MYOM2: variants seen among roughly 807,000 people sequenced by gnomAD.
MYOM2 encodes myomesin-2.
Under a neutral mutation model 187.6 loss-of-function variants are expected in MYOM2, and 254 were observed. The observed-to-expected ratio is 1.35, with a 90% confidence interval of 1.22 to 1.50. The LOEUF is 1.50. Ranked by LOEUF, MYOM2 falls within the 40% of genes most tolerant of loss-of-function variation. The pLI is 0.00. For synonymous variants in MYOM2, 981 were observed against 753.8 expected, an observed-to-expected ratio of 1.30 and a Z score of -4.94; for missense variants, 2,796 against 1,924.0, an observed-to-expected ratio of 1.45 and a Z score of -8.48.
chr8:2,059,126 A>C (rs771857861), intron 5 of MYOM2, 27 bp from the exon 6 acceptor site: 3 of 1,604,926 alleles, frequency 1.9e-6, no homozygotes, highest in Admixed American at 3.3e-5. Context: ...TCTGCCTTTA[A>C]ACTAAAAACA....
chr8:2,133,466 C>A (rs544344383), intron 32 of MYOM2, among the ~76,000 whole-genome samples: 1 of 152,264 alleles, frequency 6.6e-6, no homozygotes, highest in South Asian at 2.1e-4. Context: ...CTTCCATCTA[C>A]CTGCCTCCGA....
intron 14 of MYOM2, among the ~76,000 whole-genome samples, 155 bp downstream of exon 14, chr8:2,085,545 C>T (rs760024680): frequency 5.9e-5 from 3 of 50,450 alleles, no homozygotes; most frequent in African/African-American, 2.2e-4. Flanking sequence ...CTGCGTGGCC[C>T]CACTGTCATG....
chr8:2,091,981 C>T (rs1020301500), intron 15 of MYOM2, among the ~76,000 whole-genome samples: 7 of 152,192 alleles, frequency 4.6e-5, no homozygotes, highest in Non-Finnish European at 8.8e-5. Context: ...TTGAGTCTTA[C>T]TTTCTTAAAA....
chr8:2,142,579 G>T (rs903762003), intron 35 of MYOM2, among the ~76,000 whole-genome samples, 182 bp downstream of exon 35: 11 of 151,916 alleles, frequency 7.2e-5, no homozygotes, highest in African/African-American at 2.7e-4. Context: ...ACTGATCCTT[G>T]CACTGCTTTC....
chr8:2,068,619 C>T (rs1488493087), intron 6 of MYOM2, among the ~76,000 whole-genome samples: 1 of 152,228 alleles, frequency 6.6e-6, no homozygotes, highest in East Asian at 1.9e-4. Flanking sequence ...ATCCTGGGCG[C>T]AGCTCTTCAA....
At chr8:2,053,682 G>A (rs1818564380) in intron 3 of MYOM2, among the ~76,000 whole-genome samples, 1 of 152,226 alleles carries the variant, frequency 6.6e-6, no homozygotes, top group Non-Finnish European at 1.5e-5. Flanking sequence ...AGGGATTTGA[G>A]TGACTGGTGA....
At chr8:2,067,816 G>C (rs1417595646) in intron 6 of MYOM2, among the ~76,000 whole-genome samples, 3 of 152,126 alleles carry the variant, frequency 2.0e-5, no homozygotes, top group Non-Finnish European at 4.4e-5. Flanking sequence ...GTCCAACTCA[G>C]ACATTTCAAT....
chr8:2,105,639 A>G (rs1563059088), intron 21 of MYOM2, among the ~76,000 whole-genome samples: 2 of 152,132 alleles, frequency 1.3e-5, no homozygotes, highest in East Asian at 3.9e-4. Context: ...CTGCAGTTGT[A>G]TGAGATGCAG....
chr8:2,101,191 C>A (rs1023087806), intron 20 of MYOM2, 137 bp downstream of exon 20: 8 of 836,492 alleles, frequency 9.6e-6, no homozygotes, highest in Admixed American at 8.4e-5. Context: ...ACTAAAAATA[C>A]AAAAAAATTA....
At chr8:2,087,929 C>T (rs2116719414) in intron 14 of MYOM2, among the ~76,000 whole-genome samples, 1 of 152,292 alleles carries the variant, frequency 6.6e-6, no homozygotes, top group South Asian at 2.1e-4. Flanking sequence ...CCAGGCAAGC[C>T]ACAACACCTG....
intron 2 of MYOM2, 133 bp from the exon 3 acceptor site, chr8:2,052,025 G>C: frequency 9.5e-7 from 1 of 1,057,288 alleles, no homozygotes; most frequent in South Asian, 1.5e-5. Context: ...ATATGCCTGT[G>C]CATGTGTGTG....
At chr8:2,051,103 G>C (rs976685021) in intron 2 of MYOM2, among the ~76,000 whole-genome samples, 2 of 152,140 alleles carry the variant, frequency 1.3e-5, no homozygotes, top group Non-Finnish European at 2.9e-5. Context: ...GATCGAGGTG[G>C]GGAGGCAGGA....
Position 2,096,317 on chromosome 8 carries a change from G to C in MYOM2, c.2196G>C (p.Lys732Asn). 1 of 1,614,214 alleles carries C rather than the reference G, an allele frequency of 6.2e-7. No individual in the cohort carries two copies. The highest frequency in any genetic ancestry group is 8.5e-7 in the Non-Finnish European group (1 of 1,180,040). The change falls in exon 18 of 37, where the codon AAG becomes AAC. Residue 732 changes from lysine (K) to asparagine (N), a missense_variant. Lys to Asn is a moderately conservative substitution (Grantham distance 94). Coordinates refer to ENST00000262113, the MANE Select transcript of MYOM2 (RefSeq NM_003970.4). The stretch of plus-strand genomic sequence containing the variant: ...GCCACTCCATGACCCTCGGCTGGAA[G>C]GTCCCGAAATTCAGTGGTGGCTCGC... ...CDGHSMTLGW[K>N]VPKFSGGSPI...
At chr8:2,093,005 A>T (rs1563049625) in intron 16 of MYOM2, among the ~76,000 whole-genome samples, 1 of 152,106 alleles carries the variant, frequency 6.6e-6, no homozygotes, top group African/African-American at 2.4e-5. Flanking sequence ...TTGCAGGGGA[A>T]AGCCAGTGAC....
intron 6 of MYOM2, among the ~76,000 whole-genome samples, chr8:2,063,277 C>T (rs1266689487): frequency 6.6e-6 from 1 of 152,210 alleles, no homozygotes; most frequent in Non-Finnish European, 1.5e-5. Flanking sequence ...TGTGTTGGCA[C>T]CCACCTCTTG....
chr8:2,140,530 T>C (rs552486937), intron 32 of MYOM2, among the ~76,000 whole-genome samples, 193 bp from the exon 33 acceptor site: 26 of 152,322 alleles, frequency 1.7e-4, no homozygotes, highest in Non-Finnish European at 2.5e-4. Context: ...TTAAGTATCA[T>C]TTAATTTTAG....
rs923454017 is a variant in MYOM2, at chr8:2,096,360, C to G, written c.2239C>G (p.Leu747Val). ...SGGSPILGYY[L>V]DKREVHHKNW... Reference sequence around the variant, plus strand: ...TGGCTCGCCCATCCTGGGCTACTACCTGGACAAGCGTGAAGTTCACCATAA... The same window carrying G: ...TGGCTCGCCCATCCTGGGCTACTACGTGGACAAGCGTGAAGTTCACCATAA... The change falls in exon 18 of 37, where the codon CTG becomes GTG. Residue 747 changes from leucine (L) to valine (V), a missense_variant. Transcript: ENST00000262113. 5 of 1,614,222 alleles carry G rather than the reference C, an allele frequency of 3.1e-6. No individual in the cohort carries two copies. The highest frequency in any genetic ancestry group is 1.7e-4 in the Middle Eastern group (1 of 6,060).
At position 2,060,296 on chromosome 8, in the gene MYOM2, G is replaced by A. The variant is rs4876234; in HGVS notation, c.653+1051G>A. On this transcript the variant is annotated intron_variant, in intron 6 of 36. Transcript: ENST00000262113. ...ACATTTACCATGTGACTTTGAATAA[G>A]CCATTAACGCCTCCTGAAAACAATT... Among the ~76,000 whole-genome samples, 591 of 152,228 alleles carry A rather than the reference G, an allele frequency of 3.9e-3. 5 individuals are homozygous for A. Among genetic ancestry groups the A allele is most frequent in the African/African-American group, 0.013 (548 of 41,534 alleles).
intron 10 of MYOM2, among the ~76,000 whole-genome samples, chr8:2,074,084 C>A (rs897377544): frequency 1.3e-5 from 2 of 152,154 alleles, no homozygotes; most frequent in Admixed American, 1.3e-4. Context: ...GTCTTCACAG[C>A]AGACTCACTA....
Sources: gnomAD v4.1 joint callset for allele counts (sites outside exome capture counted in the v4.1 genomes callset) on GRCh38, gnomAD v4.1.1 for gene constraint, MANE v1.5 for transcripts, NCBI Gene and HGNC (gene_info 2026-07-23, HGNC 2026-07-21) for gene names.